Variants in MEI4 observed in about 807,000 individuals in gnomAD.
MEI4 encodes meiosis-specific protein MEI4.
MEI4 carries 27 observed loss-of-function variants against 31.4 expected under a neutral mutation model. The observed-to-expected ratio is 0.86, with a 90% CI of 0.63 to 1.19. The LOEUF (loss-of-function observed/expected upper bound fraction) is 1.19, where lower values mean the gene tolerates loss of function less well. Ranked by LOEUF, MEI4 falls within the 50% of genes most tolerant of loss-of-function variation. The probability of loss-of-function intolerance (pLI) is 0.00; values close to 1 mark genes in which losing one functional copy is unlikely to be tolerated. For synonymous variants in MEI4, 122 were observed against 145.4 expected, an observed-to-expected ratio of 0.84 and a Z score of 1.16; for missense variants, 329 against 398.9, an observed-to-expected ratio of 0.82 and a Z score of 1.49.
At chr6:77,778,700 C>T (rs990460306) in intron 3 of MEI4, among the ~76,000 whole-genome samples, 13 of 145,548 alleles carry the variant, frequency 8.9e-5, no homozygotes, top group Non-Finnish European at 1.5e-5. Flanking sequence ...ACCTGAGACC[C>T]TGTCTCAAAT....
At chr6:77,771,817 G>GA (rs965778176) in intron 3 of MEI4, among the ~76,000 whole-genome samples, 5 of 152,020 alleles carry the variant, frequency 3.3e-5, no homozygotes, top group Middle Eastern at 3.4e-3. Context: ...GAGAAGACTA[G>GA]AAAAAATACC....
intron 3 of MEI4, among the ~76,000 whole-genome samples, chr6:77,782,114 A>G (rs895458211): frequency 8.5e-5 from 13 of 152,072 alleles, no homozygotes; most frequent in African/African-American, 3.1e-4. Flanking sequence ...GAATGGAGAG[A>G]GGGTAATGTT....
chr6:77,783,069 CATG>C (rs1328876616), intron 3 of MEI4, among the ~76,000 whole-genome samples: 1 of 152,132 alleles, frequency 6.6e-6, no homozygotes, highest in Non-Finnish European at 1.5e-5. Context: ...CAAGGGAAAT[CATG>C]GTGACATTTT....
At chr6:77,711,756 G>A (rs1766470983) in intron 2 of MEI4, among the ~76,000 whole-genome samples, 1 of 152,168 alleles carries the variant, frequency 6.6e-6, no homozygotes, top group African/African-American at 2.4e-5. Context: ...ACTAGCAGAA[G>A]TAGACTGTTT....
At chr6:77,686,607 T>C (rs1381243912) in intron 1 of MEI4, among the ~76,000 whole-genome samples, 1 of 152,182 alleles carries the variant, frequency 6.6e-6, no homozygotes, top group East Asian at 1.9e-4. Context: ...TTATATGATA[T>C]ATCACAATTT....
intron 4 of MEI4, among the ~76,000 whole-genome samples, chr6:77,876,694 C>A (rs887314619): frequency 6.6e-6 from 1 of 152,082 alleles, no homozygotes; most frequent in African/African-American, 2.4e-5. Context: ...CCCTTAAATG[C>A]GGTGCACCTC....
chr6:77,789,560 A>G (rs966477101), intron 3 of MEI4, among the ~76,000 whole-genome samples: 1 of 152,210 alleles, frequency 6.6e-6, no homozygotes, highest in Non-Finnish European at 1.5e-5. Context: ...ATTTACAAGG[A>G]AAAAACAAAC....
intron 2 of MEI4, among the ~76,000 whole-genome samples, chr6:77,748,063 G>A (rs553208356): frequency 3.3e-5 from 5 of 152,298 alleles, no homozygotes; most frequent in South Asian, 4.1e-4. Flanking sequence ...TGGCAGCTCC[G>A]TCACAGGGTA....
At chr6:77,905,832 C>T (rs1766285384) in intron 4 of MEI4, among the ~76,000 whole-genome samples, 1 of 150,522 alleles carries the variant, frequency 6.6e-6, no homozygotes, top group South Asian at 2.1e-4. Context: ...GATTTCTGTC[C>T]CTTTATATTT....
At chr6:77,915,266 T>C (rs1028755433) in intron 4 of MEI4, among the ~76,000 whole-genome samples, 1 of 152,102 alleles carries the variant, frequency 6.6e-6, no homozygotes, top group African/African-American at 2.4e-5. Context: ...TAATGGTAGA[T>C]ATCTTCATTT....
At chr6:77,712,313 A>T (rs1766483044) in intron 2 of MEI4, among the ~76,000 whole-genome samples, 2 of 152,168 alleles carry the variant, frequency 1.3e-5, no homozygotes, top group South Asian at 4.1e-4. Context: ...AACAGTTCCA[A>T]GCTGTTAAAT....
At chr6:77,677,218 G>T (rs1768860799) in intron 1 of MEI4, among the ~76,000 whole-genome samples, 1 of 152,092 alleles carries the variant, frequency 6.6e-6, no homozygotes, top group Non-Finnish European at 1.5e-5. Context: ...AGTAAATTTG[G>T]ATTTTTTGCC....
chr6:77,834,285 G>A (rs1427437491), intron 4 of MEI4, among the ~76,000 whole-genome samples: 1 of 150,692 alleles, frequency 6.6e-6, no homozygotes, highest in Non-Finnish European at 1.5e-5. Context: ...TAAGTTTAAG[G>A]TATTTCTGTT....
At chr6:77,753,154 AG>A (rs1476009172) in intron 2 of MEI4, among the ~76,000 whole-genome samples, 1 of 152,242 alleles carries the variant, frequency 6.6e-6, no homozygotes, top group Non-Finnish European at 1.5e-5. Context: ...AAACCTTAGA[AG>A]AAAACCTAGG....
At chr6:77,801,013 A>G (rs1474058231) in intron 3 of MEI4, among the ~76,000 whole-genome samples, 1 of 151,798 alleles carries the variant, frequency 6.6e-6, no homozygotes, top group Non-Finnish European at 1.5e-5. Context: ...TCATAAAATG[A>G]GTTAGGGAGG....
chr6:77,680,522 C>A (rs1768937939), intron 1 of MEI4, among the ~76,000 whole-genome samples: 3 of 152,028 alleles, frequency 2.0e-5, no homozygotes, highest in Admixed American at 6.5e-5. Context: ...TAACCTGCAA[C>A]AAGAGCTATA....
chr6:77,874,525 T>C (rs1771282029), intron 4 of MEI4, among the ~76,000 whole-genome samples: 1 of 152,210 alleles, frequency 6.6e-6, no homozygotes, highest in Admixed American at 6.5e-5. Flanking sequence ...TGGGGTTTTC[T>C]AGATATACAA....
At chr6:77,886,492 G>A (rs1343581561) in intron 4 of MEI4, among the ~76,000 whole-genome samples, 1 of 151,746 alleles carries the variant, frequency 6.6e-6, no homozygotes, top group Non-Finnish European at 1.5e-5. Flanking sequence ...GTGCAGTGGT[G>A]CAAGCTCAGC....
intron 2 of MEI4, among the ~76,000 whole-genome samples, chr6:77,757,004 G>T (rs1208462116): frequency 6.6e-6 from 1 of 152,188 alleles, no homozygotes; most frequent in Non-Finnish European, 1.5e-5. Flanking sequence ...ATGTACAGAA[G>T]CTGGAATAGA....
Sources: gnomAD v4.1 joint callset for allele counts (sites outside exome capture counted in the v4.1 genomes callset) on GRCh38, gnomAD v4.1.1 for gene constraint, MANE v1.5 for transcripts, NCBI Gene and HGNC (gene_info 2026-07-23, HGNC 2026-07-21) for gene names.